Variants in AMPD3 observed in about 807,000 individuals in gnomAD.
The protein encoded by AMPD3 is adenosine monophosphate deaminase 3.
A neutral mutation model predicts 82.3 loss-of-function variants in AMPD3; 57 were observed. The ratio of observed to expected loss-of-function variants is 0.69; its 90% CI spans 0.56 to 0.86. The LOEUF (loss-of-function observed/expected upper bound fraction) is 0.86, where lower values mean the gene tolerates loss of function less well. Ranked by LOEUF, AMPD3 falls within the 40% of genes least tolerant of loss-of-function variation. The probability of loss-of-function intolerance (pLI) is 0.00; values close to 1 mark genes in which losing one functional copy is unlikely to be tolerated. For synonymous variants in AMPD3, 381 were observed against 394.7 expected, an observed-to-expected ratio of 0.97 and a Z score of 0.41; for missense variants, 870 against 1,003.8, an observed-to-expected ratio of 0.87 and a Z score of 1.80.
At chr11:10,461,002 GC>G (rs1848253410) in intron 1 of AMPD3, 1 of 1,105,220 alleles carries the variant, frequency 9.0e-7, no homozygotes, top group African/African-American at 1.6e-5. Flanking sequence ...TCAGCAAAAG[GC>G]CTTGATTTAT....
chr11:10,482,521 CT>C (rs904643814), intron 4 of AMPD3, among the ~76,000 whole-genome samples: 3 of 149,554 alleles, frequency 2.0e-5, no homozygotes, highest in Non-Finnish European at 3.0e-5. Context: ...TTTTTTTTTT[CT>C]TTTTTTTTGA....
chr11:10,451,920 C>T (rs906999418), upstream of AMPD3, among the ~76,000 whole-genome samples: 1 of 152,202 alleles, frequency 6.6e-6, no homozygotes, highest in Admixed American at 6.5e-5. Flanking sequence ...CAGACAGAGC[C>T]TCTGTCACTT....
At chr11:10,503,330 T>C (rs1410722909) in intron 13 of AMPD3, among the ~76,000 whole-genome samples, 1 of 152,234 alleles carries the variant, frequency 6.6e-6, no homozygotes, top group Non-Finnish European at 1.5e-5. Flanking sequence ...TCAATGCTAT[T>C]ATAATTTCTA....
upstream of AMPD3, chr11:10,455,229 C>T: frequency 1.1e-5 from 11 of 985,426 alleles, no homozygotes; most frequent in Non-Finnish European, 1.2e-5. Flanking sequence ...TTGCCTAAGT[C>T]ACTGGGAGGC....
chr11:10,477,042 G>A (rs1292988325), intron 2 of AMPD3: 1 of 985,362 alleles, frequency 1.0e-6, no homozygotes, highest in East Asian at 1.1e-4. Flanking sequence ...GAGAACCAGA[G>A]GGCCATGGCA....
intron 6 of AMPD3, among the ~76,000 whole-genome samples, chr11:10,491,192 C>T (rs1849231462): frequency 6.6e-6 from 1 of 152,214 alleles, no homozygotes; most frequent in African/African-American, 2.4e-5. Context: ...CTGTCAGCAG[C>T]CTGGCCTTGA....
chr11:10,461,698 A>G lies in AMPD3; in HGVS notation c.179A>G (p.Gln60Arg), dbSNP rs1267820786. 6.2e-7 allele frequency: 1 copy of G among 1,614,148 alleles called. No individual in the cohort carries two copies. The highest frequency in any genetic ancestry group is 8.5e-7 in the Non-Finnish European group (1 of 1,179,982). ...GQKEAKEREL[Q>R]KELAEQKSVE... is the part of the protein sequence containing the mutation. ...AAGGAAGCCAAGGAGAGGGAGCTGC[A>G]GAAGGAGCTGGCAGAGCAGAAGTCT... The change falls in exon 2 of 15, where the codon CAG becomes CGG. Residue 60 changes from glutamine (Q) to arginine (R), a missense_variant. Physicochemically the swap from Gln to Arg is conservative, Grantham distance 43 (BLOSUM62 1). Coordinates refer to ENST00000396553, the MANE Select transcript of AMPD3 (RefSeq NM_001025389.2).
At chr11:10,489,274 C>T (rs964138508) in intron 6 of AMPD3, among the ~76,000 whole-genome samples, 8 of 152,212 alleles carry the variant, frequency 5.3e-5, no homozygotes, top group Non-Finnish European at 8.8e-5. Flanking sequence ...TTCAAAGAAA[C>T]GCCTTGCCCA....
intron 10 of AMPD3, 80 bp downstream of exon 10, chr11:10,497,018 C>T (rs971664858): frequency 3.8e-5 from 59 of 1,550,298 alleles, no homozygotes; most frequent in African/African-American, 6.8e-5. Context: ...GTCAGGCTTG[C>T]TCCTGCCCTT....
chr11:10,455,663 G>C (rs987628148), intron 1 of AMPD3, among the ~76,000 whole-genome samples: 1 of 152,160 alleles, frequency 6.6e-6, no homozygotes, highest in African/African-American at 2.4e-5. Flanking sequence ...CCTCTGTGCT[G>C]AGGCAGTTCC....
rs112979344 is a variant in AMPD3 at position 10,481,973 on chromosome 11, G to C, written c.427-90G>C. ...TGAAATCTAGGTTCCCAGATACCAG[G>C]CAAGGGCCAATCTTGCAAGCACATC... On this transcript the variant is annotated intron_variant, in intron 3 of 14. Transcript: ENST00000396553. The C allele has an allele frequency of 3.9e-6, 6 of 1,550,816 alleles. No individual in the cohort carries two copies. In the African/African-American group the frequency reaches 6.8e-5, roughly 18 times the overall value.
Position 10,494,913 on chromosome 11 carries a change from C to T in AMPD3, c.1149C>T (p.Phe383=), listed in dbSNP as rs771556714. The change falls in exon 8 of 15, where the codon TTC becomes TTT. Residue 383 remains phenylalanine, a synonymous_variant. Transcript: ENST00000396553. ...TCCCCCCTCAGGGCCGGCAGACATT[C>T]CACCGCTTTGACAAGTTCAACTCCA... The part of the protein sequence containing the change: ...SLDVHAGRQT[F]HRFDKFNSKY... 2 of 1,614,168 alleles carry T rather than the reference C, an allele frequency of 1.2e-6. No homozygotes were observed. The highest frequency in any genetic ancestry group is 4.5e-5 in the East Asian group (2 of 44,884).
intron 2 of AMPD3, among the ~76,000 whole-genome samples, chr11:10,465,143 A>G (rs778289921): frequency 4.6e-5 from 7 of 152,252 alleles, no homozygotes; most frequent in Admixed American, 3.3e-4. Flanking sequence ...TGCTTGGAGC[A>G]CCATTAATGT....
intron 12 of AMPD3, chr11:10,502,152 C>T (rs1026202042): frequency 2.2e-4 from 220 of 985,288 alleles, no homozygotes; most frequent in East Asian, 5.7e-4. Flanking sequence ...TCCATTGGCA[C>T]GATGTTTGAT....
chr11:10,469,673 T>A (rs1848527581), intron 2 of AMPD3, among the ~76,000 whole-genome samples: 1 of 152,164 alleles, frequency 6.6e-6, no homozygotes, highest in Admixed American at 6.5e-5. Flanking sequence ...GAGGCCAGCA[T>A]CATCCTGATG....
intron 5 of AMPD3, chr11:10,486,812 G>A: frequency 1.0e-6 from 1 of 985,438 alleles, no homozygotes; most frequent in Non-Finnish European, 1.2e-6. Flanking sequence ...AGGAAGGAAA[G>A]GAGGAGATGA....
intron 2 of AMPD3, among the ~76,000 whole-genome samples, chr11:10,463,070 A>G (rs958612849): frequency 2.0e-5 from 3 of 152,248 alleles, no homozygotes; most frequent in Admixed American, 6.5e-5. Flanking sequence ...CCTGGGCTTT[A>G]TCAGATTTTC....
At chr11:10,478,879 C>A (rs1376496557) in intron 3 of AMPD3, 149 bp downstream of exon 3, 13 of 928,168 alleles carry the variant, frequency 1.4e-5, no homozygotes, top group Non-Finnish European at 2.2e-5. Flanking sequence ...CAAGGAGGGC[C>A]CTAGCAGAGG....
At chr11:10,504,853 G>A (rs945657365) in intron 14 of AMPD3, among the ~76,000 whole-genome samples, 194 bp downstream of exon 14, 1 of 152,164 alleles carries the variant, frequency 6.6e-6, no homozygotes, top group Non-Finnish European at 1.5e-5. Context: ...AGACCTCTAC[G>A]CCTCCTTGGA....
Sources: gnomAD v4.1 joint callset for allele counts (sites outside exome capture counted in the v4.1 genomes callset) on GRCh38, gnomAD v4.1.1 for gene constraint, MANE v1.5 for transcripts, NCBI Gene and HGNC (gene_info 2026-07-23, HGNC 2026-07-21) for gene names.